UBE2E2: variants seen among roughly 807,000 people sequenced by gnomAD.
UBE2E2 encodes the protein ubiquitin-conjugating enzyme E2 E2.
Under a neutral mutation model 24.7 loss-of-function variants are expected in UBE2E2, and 6 were observed. The ratio of observed to expected loss-of-function variants is 0.24; its 90% CI spans 0.13 to 0.48. UBE2E2 has a LOEUF of 0.48. Ranked by LOEUF, UBE2E2 falls within the 20% of genes least tolerant of loss-of-function variation. The pLI, the probability that UBE2E2 is intolerant of heterozygous loss-of-function variation, is 0.99. For synonymous variants in UBE2E2, 104 were observed against 83.6 expected (o/e 1.24, Z -1.33); for missense variants, 169 against 245.0 (o/e 0.69, Z 2.07).
chr3:23,449,858 A>T, intron 3 of UBE2E2: 1 of 985,470 alleles, frequency 1.0e-6, no homozygotes, highest in Non-Finnish European at 1.2e-6. Context: ...TCACTGGCAG[A>T]AACCCCAGCC....
At position 23,586,398 on chromosome 3, in the gene UBE2E2, G is replaced by T. The variant is rs112422596; in HGVS notation, c.509-3336G>T. On this transcript the variant is annotated intron_variant, in intron 5 of 5. Transcript: ENST00000396703. ...TAGTCTTAAACTTCTGGGCTCAAGC[G>T]ATCCTCCCACCTCAGCCTCTCAAGT... Among the ~76,000 whole-genome samples the T allele has an allele frequency of 4.3e-3, 649 of 152,078 alleles. 5 individuals carry two copies. The highest frequency in any genetic ancestry group is 0.017 in the Middle Eastern group (5 of 294).
intron 3 of UBE2E2, among the ~76,000 whole-genome samples, chr3:23,478,478 A>C (rs1699185023): frequency 6.6e-6 from 1 of 152,210 alleles, no homozygotes. Flanking sequence ...TACAAATAGA[A>C]CACACAGATT....
At chr3:23,371,289 C>T (rs553188450) in intron 3 of UBE2E2, among the ~76,000 whole-genome samples, 4 of 152,212 alleles carry the variant, frequency 2.6e-5, no homozygotes, top group South Asian at 4.2e-4. Flanking sequence ...CCTCAGCCTC[C>T]CAAAATGCTG....
chr3:23,238,496 A>G (rs1408724650), intron 3 of UBE2E2, among the ~76,000 whole-genome samples: 1 of 152,184 alleles, frequency 6.6e-6, no homozygotes, highest in Non-Finnish European at 1.5e-5. Context: ...TGAGAGTTGA[A>G]CTAGTTAGGT....
At chr3:23,340,362 T>C (rs993143631) in intron 3 of UBE2E2, among the ~76,000 whole-genome samples, 1 of 152,138 alleles carries the variant, frequency 6.6e-6, no homozygotes, top group Non-Finnish European at 1.5e-5. Context: ...GCATCTACTA[T>C]GCACTATATT....
chr3:23,286,250 A>G (rs1195212184), intron 3 of UBE2E2, among the ~76,000 whole-genome samples: 2 of 152,162 alleles, frequency 1.3e-5, no homozygotes, highest in African/African-American at 4.8e-5. Flanking sequence ...ATCTTTGCTC[A>G]GTCCAGTGTC....
At chr3:23,302,655 T>C (rs1699130517) in intron 3 of UBE2E2, among the ~76,000 whole-genome samples, 1 of 152,214 alleles carries the variant, frequency 6.6e-6, no homozygotes, top group Non-Finnish European at 1.5e-5. Flanking sequence ...ACAGAACATT[T>C]GTGATTTGCC....
intron 1 of UBE2E2, among the ~76,000 whole-genome samples, chr3:23,205,222 ATC>A (rs1310961338): frequency 6.6e-6 from 1 of 152,222 alleles, no homozygotes; most frequent in Non-Finnish European, 1.5e-5. Context: ...AAGCGTATTT[ATC>A]TCTCTCAATA....
chr3:23,347,251 C>T (rs1473368071), intron 3 of UBE2E2, among the ~76,000 whole-genome samples: 1 of 152,200 alleles, frequency 6.6e-6, no homozygotes, highest in African/African-American at 2.4e-5. Context: ...GACACATGCA[C>T]ACATATGTTT....
chr3:23,447,600 G>T (rs1698464778), intron 3 of UBE2E2, among the ~76,000 whole-genome samples: 1 of 152,162 alleles, frequency 6.6e-6, no homozygotes, highest in African/African-American at 2.4e-5. Flanking sequence ...TCTCTGAGCT[G>T]AAAAATGATT....
chr3:23,329,042 C>T (rs1036267998), intron 3 of UBE2E2, among the ~76,000 whole-genome samples: 2 of 152,162 alleles, frequency 1.3e-5, no homozygotes, highest in African/African-American at 2.4e-5. Context: ...CGCCCTTGCC[C>T]CCTTCTCCCT....
intron 3 of UBE2E2, chr3:23,323,584 T>G (rs1229099145): frequency 2.2e-6 from 1 of 449,208 alleles, no homozygotes; most frequent in Non-Finnish European, 4.5e-6. Context: ...GGATGCCCAC[T>G]AGGTAGGTAT....
intron 3 of UBE2E2, among the ~76,000 whole-genome samples, chr3:23,288,401 A>C (rs1698676086): frequency 6.6e-6 from 1 of 152,174 alleles, no homozygotes; most frequent in African/African-American, 2.4e-5. Flanking sequence ...GCCGTGGGAC[A>C]AAATGTTCTG....
chr3:23,426,456 T>C (rs1410586341), intron 3 of UBE2E2, among the ~76,000 whole-genome samples: 2 of 150,284 alleles, frequency 1.3e-5, no homozygotes, highest in African/African-American at 2.4e-5. Context: ...TCATATCATA[T>C]TCAAATTACA....
chr3:23,588,368 C>CT (rs140466518), intron 5 of UBE2E2, among the ~76,000 whole-genome samples: 5,929 of 145,702 alleles, frequency 0.041, 404 homozygotes, highest in African/African-American at 0.14. Context: ...ACCTAAGTTA[C>CT]TTTTTTTTTA....
Position 23,337,901 on chromosome 3 carries a change from G to T in UBE2E2, c.227+120589G>T, listed in dbSNP as rs533939261. Among the ~76,000 whole-genome samples the T allele has an allele frequency of 5.3e-5, 8 of 152,234 alleles. No homozygotes were observed. In the South Asian group the frequency reaches 1.5e-3, roughly 28 times the overall value. The stretch of plus-strand genomic sequence containing the variant: ...GAGTGATTAGTTTGTCTATTTAAAG[G>T]CTAAGCCCCTGGAGATTGGAGGGAA... On this transcript the variant is annotated intron_variant, in intron 3 of 5. Coordinates refer to ENST00000396703, the MANE Select transcript of UBE2E2 (RefSeq NM_152653.4).
intron 3 of UBE2E2, among the ~76,000 whole-genome samples, chr3:23,442,066 T>A (rs1011517043): frequency 5.3e-5 from 8 of 152,184 alleles, no homozygotes; most frequent in Non-Finnish European, 1.2e-4. Context: ...TGGACTTATG[T>A]GGCCTGTGTA....
chr3:23,374,670 G>A (rs921817169), intron 3 of UBE2E2, among the ~76,000 whole-genome samples: 2 of 152,126 alleles, frequency 1.3e-5, no homozygotes, highest in African/African-American at 4.8e-5. Flanking sequence ...TCTTCCTACT[G>A]AAAACACCAG....
chr3:23,404,095 C>T (rs1246884612), intron 3 of UBE2E2, among the ~76,000 whole-genome samples: 1 of 152,112 alleles, frequency 6.6e-6, no homozygotes, highest in Non-Finnish European at 1.5e-5. Context: ...TTTCTTGACT[C>T]TTATTTGACA....
Sources: gnomAD v4.1 joint callset for allele counts (sites outside exome capture counted in the v4.1 genomes callset) on GRCh38, gnomAD v4.1.1 for gene constraint, MANE v1.5 for transcripts, NCBI Gene and HGNC (gene_info 2026-07-23, HGNC 2026-07-21) for gene names.